Variants in NOX5 observed in about 807,000 individuals in gnomAD.
The protein encoded by NOX5 is NADPH oxidase, EF-hand calcium binding domain 5.
A neutral mutation model predicts 85.7 loss-of-function variants in NOX5; 76 were observed. The ratio of observed to expected loss-of-function variants is 0.89; its 90% CI spans 0.74 to 1.07. The LOEUF (loss-of-function observed/expected upper bound fraction) is 1.07, where lower values mean the gene tolerates loss of function less well. Among genes scored for constraint, NOX5 ranks in the 50% least tolerant of loss-of-function variants. The pLI is 0.00. For synonymous variants in NOX5, 405 were observed against 401.4 expected, an observed-to-expected ratio of 1.01 and a Z score of -0.11; for missense variants, 973 against 999.5, an observed-to-expected ratio of 0.97 and a Z score of 0.36.
intron 5 of NOX5, among the ~76,000 whole-genome samples, chr15:69,034,768 A>G (rs892088249): frequency 6.6e-6 from 1 of 152,106 alleles, no homozygotes; most frequent in Non-Finnish European, 1.5e-5. Context: ...TTTATTTGAG[A>G]CATGGTCTTT....
intron 14 of NOX5, among the ~76,000 whole-genome samples, chr15:69,051,092 C>T (rs2050742902): frequency 6.6e-6 from 1 of 152,188 alleles, no homozygotes; most frequent in African/African-American, 2.4e-5. Flanking sequence ...TTCTCTCCTT[C>T]TCACCTTCCC....
At chr15:69,040,663 C>G (rs975945888) in intron 9 of NOX5, among the ~76,000 whole-genome samples, 13 of 151,930 alleles carry the variant, frequency 8.6e-5, no homozygotes, top group African/African-American at 2.9e-4. Flanking sequence ...TTCTTTTTCT[C>G]CCCTAACTTT....
intron 10 of NOX5, among the ~76,000 whole-genome samples, chr15:69,045,419 G>C (rs2050649093): frequency 6.6e-6 from 1 of 152,172 alleles, no homozygotes; most frequent in African/African-American, 2.4e-5. Flanking sequence ...TAGATGGCCT[G>C]TCTGCTAAGG....
rs575300314 is a variant in NOX5 at position 69,044,312 on chromosome 15, A to G, written c.1647+1507A>G. 2.0e-5 allele frequency among the ~76,000 whole-genome samples: 3 copies of G among 152,364 alleles called. No homozygotes were observed. The East Asian group carries it at 5.8e-4, about 29-fold the overall frequency. On this transcript the variant is annotated intron_variant, in intron 10 of 15. Transcript: ENST00000388866. ...CTGTTCTAGATGCTGGAGATCTATCAGTAAGCAACATAGGCATAGTCACTG... is the reference window on the plus strand; with the variant it reads ...CTGTTCTAGATGCTGGAGATCTATCGGTAAGCAACATAGGCATAGTCACTG...
chr15:69,043,493 C>G (rs1306408939), intron 10 of NOX5: 2 of 152,224 alleles, frequency 1.3e-5, no homozygotes, highest in African/African-American at 2.4e-5. Flanking sequence ...AGGAGACGTT[C>G]CCAGGCCTGG....
chr15:69,057,951 G>C lies in NOX5; in HGVS notation c.*1255G>C, dbSNP rs937626783. The C allele has an allele frequency of 6.6e-6, 1 of 152,356 alleles. No individual in the cohort carries two copies. Among genetic ancestry groups the C allele is most frequent in the Non-Finnish European group, 1.5e-5 (1 of 68,142 alleles). 9.4% of individuals were successfully genotyped at this position (152,356 alleles called of 1,614,324 possible). On this transcript the variant is annotated 3_prime_UTR_variant, in exon 16 of 16. Coordinates refer to ENST00000388866, the MANE Select transcript of NOX5 (RefSeq NM_024505.4). ...AAAGGCTCTCTCAGCACATACTGTG[G>C]GGAGGAGCGGCCCTGGGCAGAGGAC...
intron 9 of NOX5, among the ~76,000 whole-genome samples, chr15:69,042,011 ATTC>A (rs2050600827): frequency 1.3e-5 from 2 of 151,210 alleles, no homozygotes; most frequent in African/African-American, 4.9e-5. Flanking sequence ...TTAGACCCTT[ATTC>A]TGAGAAGGAG....
chr15:69,035,317 G>C lies in NOX5; in HGVS notation c.856-37G>C, dbSNP rs2050497603. 6 of 1,606,214 alleles carry C rather than the reference G, an allele frequency of 3.7e-6. No homozygotes were observed. In the East Asian group the frequency reaches 1.1e-4, roughly 30 times the overall value. On this transcript the variant is annotated intron_variant, in intron 5 of 15. Transcript: ENST00000388866. ...GGGAAAAGAGGACAAGGCAGACAGA[G>C]AGTGAGGCAGGGCTCTCTCCCACTC...
At chr15:69,052,391 T>C (rs2050760371) in intron 14 of NOX5, among the ~76,000 whole-genome samples, 1 of 152,226 alleles carries the variant, frequency 6.6e-6, no homozygotes, top group African/African-American at 2.4e-5. Context: ...TCATGGGACA[T>C]CTTTGTGGAA....
chr15:69,047,631 C>T (rs888489520), intron 12 of NOX5, 94 bp downstream of exon 12: 4 of 1,478,238 alleles, frequency 2.7e-6, no homozygotes, highest in Non-Finnish European at 3.7e-6. Flanking sequence ...CCTTCCTCTC[C>T]TTTCACCTGT....
In NOX5 at chr15:69,035,411, C is replaced by G; in HGVS notation, c.913C>G (p.Leu305Val). The change falls in exon 6 of 16, where the codon CTA (leucine) becomes GTA (valine). Residue 305 changes from leucine (L) to valine (V), a missense_variant. Leu to Val is a conservative substitution (Grantham distance 32). Coordinates refer to ENST00000388866, the MANE Select transcript of NOX5 (RefSeq NM_024505.4). ...WLRATWLAQV[L>V]PLDQNIQFHQ... Reference sequence around the variant, plus strand: ...GCGGGCCACGTGGCTGGCTCAAGTCCTACCACTGGACCAGAACATCCAGTT... The same window carrying G: ...GCGGGCCACGTGGCTGGCTCAAGTCGTACCACTGGACCAGAACATCCAGTT... 1 of 1,614,230 alleles carries G rather than the reference C, an allele frequency of 6.2e-7. No homozygotes were observed. The highest frequency in any genetic ancestry group is 8.5e-7 in the Non-Finnish European group (1 of 1,180,042).
In NOX5 at chr15:69,042,754, T is replaced by C. The variant is rs1271717049; in HGVS notation, c.1596T>C (p.Ser532=). Residue 532 remains serine, a synonymous_variant, in exon 10 of 16, where the codon TCT becomes TCC. Coordinates refer to ENST00000388866, the MANE Select transcript of NOX5 (RefSeq NM_024505.4). The stretch of plus-strand genomic sequence containing the variant: ...CATCAGACCCACTGGGCCGTGGTTC[T>C]AAGAGGCTGTCGAGGAGTGTGACAA... ...FKASDPLGRG[S]KRLSRSVTMR... The C allele has an allele frequency of 1.9e-6, 3 of 1,614,210 alleles. No homozygotes were observed. Among genetic ancestry groups the C allele is most frequent in the Non-Finnish European group, 8.5e-7 (1 of 1,180,032 alleles).
intron 14 of NOX5, among the ~76,000 whole-genome samples, chr15:69,049,939 C>G (rs1319567691): frequency 6.6e-6 from 1 of 152,222 alleles, no homozygotes; most frequent in African/African-American, 2.4e-5. Flanking sequence ...TGGAGCATTT[C>G]TTTCCATTCC....
intron 14 of NOX5, among the ~76,000 whole-genome samples, chr15:69,053,244 A>G (rs2050771283): frequency 6.6e-6 from 1 of 152,224 alleles, no homozygotes; most frequent in Admixed American, 6.5e-5. Flanking sequence ...ATATTATTTA[A>G]CTAGTTTGCC....
chr15:69,021,946 G>A (rs962238560), intron 1 of NOX5, among the ~76,000 whole-genome samples: 1 of 152,188 alleles, frequency 6.6e-6, no homozygotes, highest in Non-Finnish European at 1.5e-5. Flanking sequence ...GCCTAGAGAG[G>A]AGCCTGGGAG....
rs1330094253 is a variant in NOX5 at position 69,028,235 on chromosome 15, C to A, written c.195C>A (p.Phe65Leu). The A allele has an allele frequency of 1.2e-6, 2 of 1,610,140 alleles. No homozygotes were observed. The highest frequency in any genetic ancestry group is 1.7e-4 in the Middle Eastern group (1 of 6,042). The change falls in exon 3 of 16, where the codon TTC (phenylalanine) becomes TTA (leucine). Residue 65 changes from phenylalanine (F) to leucine (L), a missense_variant. Phe to Leu is a conservative substitution (Grantham distance 22). Transcript: ENST00000388866. ...HVKESFFAER[F>L]FALFDSDRSG... ...CACAGTCCTTCTTTGCAGAGCGATT[C>A]TTTGCCCTATTTGACTCCGATAGAA... is the stretch of plus-strand genomic sequence containing the variant.
chr15:69,033,330 G>A, intron 5 of NOX5, 53 bp downstream of exon 5: 2 of 1,551,102 alleles, frequency 1.3e-6, no homozygotes, highest in Non-Finnish European at 8.7e-7. Flanking sequence ...GAGCCGAGGT[G>A]GGCTCCTCCT....
chr15:69,054,550 CA>C (rs1461644864), intron 14 of NOX5, among the ~76,000 whole-genome samples: 3 of 152,228 alleles, frequency 2.0e-5, no homozygotes, highest in African/African-American at 7.2e-5. Flanking sequence ...GATGCGGCTC[CA>C]GCCGGGCACC....
chr15:69,015,569 G>A (rs1248806254), intron 1 of NOX5, among the ~76,000 whole-genome samples: 3 of 152,182 alleles, frequency 2.0e-5, no homozygotes, highest in Non-Finnish European at 2.9e-5. Flanking sequence ...TCACCCATGC[G>A]TGGGTCACAA....
Sources: gnomAD v4.1 joint callset for allele counts (sites outside exome capture counted in the v4.1 genomes callset) on GRCh38, gnomAD v4.1.1 for gene constraint, MANE v1.5 for transcripts, NCBI Gene and HGNC (gene_info 2026-07-23, HGNC 2026-07-21) for gene names.